The following PRKG1 variants were observed in gnomAD, a reference collection of about 807,000 sequenced individuals.
The protein encoded by PRKG1 is protein kinase cGMP-dependent 1.
Under a neutral mutation model 88.1 loss-of-function variants are expected in PRKG1, and 35 were observed. The ratio of observed to expected loss-of-function variants is 0.40; its 90% CI spans 0.30 to 0.53. PRKG1 has a LOEUF of 0.53. PRKG1 is among the 20% of genes least tolerant of loss of function. The pLI is 0.59. For missense variants in PRKG1, 540 were observed against 839.8 expected (o/e 0.64, Z 4.41); for synonymous variants, 303 against 292.5 (o/e 1.04, Z -0.37).
intron 2 of PRKG1, among the ~76,000 whole-genome samples, chr10:51,358,404 A>C (rs1375017408): frequency 6.6e-6 from 1 of 151,890 alleles, no homozygotes; most frequent in Non-Finnish European, 1.5e-5. Context: ...GTAGACAGAC[A>C]CAACTCTCAA....
At chr10:51,506,784 A>C (rs1841220652) in intron 3 of PRKG1, among the ~76,000 whole-genome samples, 1 of 152,198 alleles carries the variant, frequency 6.6e-6, no homozygotes, top group Non-Finnish European at 1.5e-5. Context: ...CATTTGACCC[A>C]GCCATCCCAT....
chr10:52,108,524 G>A (rs781239278), intron 7 of PRKG1, among the ~76,000 whole-genome samples: 2 of 151,984 alleles, frequency 1.3e-5, no homozygotes, highest in South Asian at 2.1e-4. Context: ...CAAGTGAATC[G>A]CATTTTGCTG....
intron 2 of PRKG1, among the ~76,000 whole-genome samples, chr10:51,202,310 G>T (rs1837932420): frequency 6.6e-6 from 1 of 152,190 alleles, no homozygotes; most frequent in African/African-American, 2.4e-5. Context: ...ATGTCTAGGT[G>T]CAGTCTATGC....
At chr10:52,244,532 G>GCA (rs36055516) in intron 9 of PRKG1, among the ~76,000 whole-genome samples, 78,273 of 150,898 alleles carry the variant, frequency 0.52, 22,029 homozygotes, top group East Asian at 0.79. Context: ...ACAAAAAGTT[G>GCA]CAATGAGGCA....
chr10:51,985,692 T>C (rs1844137146), intron 5 of PRKG1, among the ~76,000 whole-genome samples: 1 of 152,156 alleles, frequency 6.6e-6, no homozygotes, highest in African/African-American at 2.4e-5. Context: ...ATTTAAAAAA[T>C]GGTTGTATCA....
At chr10:51,351,920 T>C (rs933391561) in intron 2 of PRKG1, among the ~76,000 whole-genome samples, 1 of 152,182 alleles carries the variant, frequency 6.6e-6, no homozygotes, top group Non-Finnish European at 1.5e-5. Flanking sequence ...AATATTTCTA[T>C]AAGGTGTAAG....
In PRKG1 at chr10:51,243,077, A is replaced by G. The variant is rs77231767; in HGVS notation, c.478+89747A>G. On this transcript the variant is annotated intron_variant, in intron 2 of 17. Transcript: ENST00000373980. Reference sequence around the variant, plus strand: ...CTAATACATTGAGATGGACTTGGAAATGCCCCTTAATTAGTAGATATCAGT... The same window carrying G: ...CTAATACATTGAGATGGACTTGGAAGTGCCCCTTAATTAGTAGATATCAGT... 3.2e-3 allele frequency among the ~76,000 whole-genome samples: 491 copies of G among 152,244 alleles called. 3 individuals carry two copies. Among genetic ancestry groups the G allele is most frequent in the African/African-American group, 0.011 (466 of 41,552 alleles).
intron 3 of PRKG1, among the ~76,000 whole-genome samples, chr10:51,732,522 C>T (rs1044331819): frequency 4.6e-5 from 7 of 152,074 alleles, no homozygotes; most frequent in African/African-American, 1.4e-4. Flanking sequence ...AGAGCAAGAA[C>T]GGTGAGATTC....
intron 1 of PRKG1, among the ~76,000 whole-genome samples, chr10:51,053,438 T>C (rs1319263525): frequency 1.3e-5 from 2 of 152,096 alleles, no homozygotes; most frequent in African/African-American, 4.8e-5. Context: ...ATGGGATCTG[T>C]ATGGTTGGCC....
intron 4 of PRKG1, among the ~76,000 whole-genome samples, chr10:51,832,577 T>C (rs1220448450): frequency 2.0e-5 from 3 of 152,178 alleles, no homozygotes; most frequent in African/African-American, 7.2e-5. Context: ...CCTCTGTAGG[T>C]ATGATAATTT....
chr10:52,176,835 T>A (rs1299658411), intron 9 of PRKG1, among the ~76,000 whole-genome samples: 1 of 152,156 alleles, frequency 6.6e-6, no homozygotes, highest in African/African-American at 2.4e-5. Flanking sequence ...TGTATAGAAA[T>A]GTTATTGATT....
intron 3 of PRKG1, among the ~76,000 whole-genome samples, chr10:51,480,242 C>T (rs888573718): frequency 3.9e-5 from 6 of 152,210 alleles, no homozygotes; most frequent in Admixed American, 2.6e-4. Context: ...GGAAAGTTTT[C>T]AAATTTTAAG....
At chr10:52,267,935 T>C (rs1841619866) in intron 10 of PRKG1, among the ~76,000 whole-genome samples, 1 of 152,130 alleles carries the variant, frequency 6.6e-6, no homozygotes, top group Non-Finnish European at 1.5e-5. Flanking sequence ...GGGAAGTTGT[T>C]GGTTTATCAG....
intron 1 of PRKG1, among the ~76,000 whole-genome samples, chr10:51,083,528 T>TTTC (rs1554834685): frequency 1.3e-5 from 2 of 151,298 alleles, no homozygotes. Flanking sequence ...TTTTTTTTTT[T>TTTC]CCTACAGATA....
intron 4 of PRKG1, among the ~76,000 whole-genome samples, chr10:51,827,776 T>G (rs1839912586): frequency 6.6e-6 from 1 of 152,162 alleles, no homozygotes; most frequent in Non-Finnish European, 1.5e-5. Context: ...CTGTCACAGA[T>G]AAATTCTATT....
In PRKG1 at chr10:51,950,515, C is replaced by T. The variant is rs1005401347; in HGVS notation, c.762+42945C>T. The stretch of plus-strand genomic sequence containing the variant: ...TCTACCCAGCCCACAGTGCTCTGCC[C>T]CTTGCGGAAGGGAGCACGTGAGTGA... On this transcript the variant is annotated intron_variant, in intron 5 of 17. Coordinates refer to ENST00000373980, the MANE Select transcript of PRKG1 (RefSeq NM_006258.4). 5.3e-5 allele frequency among the ~76,000 whole-genome samples: 8 copies of T among 152,246 alleles called. No individual in the cohort carries two copies. The East Asian group carries it at 9.6e-4, about 18-fold the overall frequency.
At chr10:51,590,645 C>A (rs1838288841) in intron 3 of PRKG1, among the ~76,000 whole-genome samples, 1 of 152,072 alleles carries the variant, frequency 6.6e-6, no homozygotes, top group African/African-American at 2.4e-5. Flanking sequence ...ATCAATTCTC[C>A]CCACTCTAAT....
At chr10:52,088,837 A>G (rs1433310209) in intron 7 of PRKG1, among the ~76,000 whole-genome samples, 5 of 152,192 alleles carry the variant, frequency 3.3e-5, no homozygotes, top group African/African-American at 4.8e-5. Context: ...ATATTCCACT[A>G]TGTACCATCT....
At chr10:51,471,610 T>C (rs999789260) in intron 3 of PRKG1, among the ~76,000 whole-genome samples, 1 of 151,940 alleles carries the variant, frequency 6.6e-6, no homozygotes, top group Admixed American at 6.6e-5. Flanking sequence ...GAAGTTGAAG[T>C]TACTGGAAAC....
Sources: gnomAD v4.1 joint callset for allele counts (sites outside exome capture counted in the v4.1 genomes callset) on GRCh38, gnomAD v4.1.1 for gene constraint, MANE v1.5 for transcripts, NCBI Gene and HGNC (gene_info 2026-07-23, HGNC 2026-07-21) for gene names.